The following NTAQ1 variants were observed in gnomAD, a reference collection of about 807,000 sequenced individuals.
The protein encoded by NTAQ1 is N-terminal glutamine amidase 1.
In NTAQ1, 21 loss-of-function variants were observed where a neutral mutation model predicts 28.2. The observed-to-expected ratio is 0.74, with a 90% confidence interval of 0.53 to 1.07. The LOEUF (loss-of-function observed/expected upper bound fraction) is 1.07, where lower values mean the gene tolerates loss of function less well. NTAQ1 is among the 50% of genes least tolerant of loss of function. The pLI, the probability that NTAQ1 is intolerant of heterozygous loss-of-function variation, is 0.00. For missense variants in NTAQ1, 264 were observed against 256.6 expected (o/e 1.03, Z -0.20); for synonymous variants, 105 against 90.0 (o/e 1.17, Z -0.94).
Position 123,441,429 on chromosome 8 carries a change from A to T in NTAQ1, c.*14A>T. ...AAAAACTGCTGAACTTGGTCTCAAG[A>T]TGTGGAACTGTGGAGAAATTCTAGG... On this transcript the variant is annotated 3_prime_UTR_variant, in exon 6 of 6. Transcript: ENST00000287387. 1 of 1,589,334 alleles carries T rather than the reference A, an allele frequency of 6.3e-7. No homozygotes were observed. The highest frequency in any genetic ancestry group is 8.6e-7 in the Non-Finnish European group (1 of 1,164,498).
chr8:123,464,528 A>G (rs773345684), intron 6 of NTAQ1, among the ~76,000 whole-genome samples: 1 of 151,372 alleles, frequency 6.6e-6, no homozygotes, highest in African/African-American at 2.4e-5. Context: ...CTGTGCCTCC[A>G]CTCTCCCTCC....
chr8:123,433,088 A>G (rs1418483828), intron 3 of NTAQ1, among the ~76,000 whole-genome samples: 1 of 152,010 alleles, frequency 6.6e-6, no homozygotes, highest in Non-Finnish European at 1.5e-5. Flanking sequence ...TGACATCCCC[A>G]CTCCTAGCAC....
intron 2 of NTAQ1, among the ~76,000 whole-genome samples, chr8:123,429,152 A>G (rs893662793): frequency 1.3e-5 from 2 of 152,290 alleles, no homozygotes; most frequent in East Asian, 3.9e-4. Context: ...TCTTCATTTT[A>G]TAGATGAAGA....
At chr8:123,428,123 C>T in intron 2 of NTAQ1, 100 bp downstream of exon 2, 1 of 834,956 alleles carries the variant, frequency 1.2e-6, no homozygotes, top group Non-Finnish European at 1.9e-6. Flanking sequence ...GGGTGTAGTA[C>T]TCTTCTGAAG....
downstream of NTAQ1, among the ~76,000 whole-genome samples, chr8:123,446,167 G>A (rs1412736807): frequency 6.6e-6 from 1 of 151,122 alleles, no homozygotes; most frequent in African/African-American, 2.4e-5. Flanking sequence ...AATTTTGTGT[G>A]TGTGTGTGTT....
intron 2 of NTAQ1, among the ~76,000 whole-genome samples, chr8:123,428,434 G>C (rs1300302594): frequency 6.6e-6 from 1 of 152,158 alleles, no homozygotes; most frequent in Admixed American, 6.6e-5. Context: ...CTGGCCTCAA[G>C]TGATCCTCCC....
At chr8:123,422,022 G>A (rs1301164372) in intron 1 of NTAQ1, among the ~76,000 whole-genome samples, 1 of 151,944 alleles carries the variant, frequency 6.6e-6, no homozygotes, top group African/African-American at 2.4e-5. Flanking sequence ...CACCATGTTG[G>A]CCAGGCTGGT....
rs73705923 is a variant in NTAQ1, at chr8:123,454,616, C to T, written c.373-12463C>T. Among the ~76,000 whole-genome samples, 837 of 152,276 alleles carry T rather than the reference C, an allele frequency of 5.5e-3. 12 individuals are homozygous for T. Among genetic ancestry groups the T allele is most frequent in the African/African-American group, 0.019 (804 of 41,552 alleles). On this transcript the variant is annotated intron_variant, in intron 6 of 6. Coordinates refer to the NTAQ1 transcript ENST00000650311. The stretch of plus-strand genomic sequence containing the variant: ...AACGCCTGACCTCAGGTGTAGCAGT[C>T]GGAGATGCACTCACTTCTAGCCTTG...
chr8:123,459,037 C>T (rs1056358794), intron 6 of NTAQ1, among the ~76,000 whole-genome samples: 1 of 151,966 alleles, frequency 6.6e-6, no homozygotes, highest in African/African-American at 2.4e-5. Flanking sequence ...GAGATCGTGC[C>T]ACTGCACTCC....
intron 1 of NTAQ1, among the ~76,000 whole-genome samples, chr8:123,427,352 G>A (rs939901684): frequency 4.1e-5 from 6 of 145,542 alleles, no homozygotes; most frequent in African/African-American, 1.0e-4. Flanking sequence ...TCTCAGGTTC[G>A]AGCAATTCTC....
chr8:123,440,932 C>T (rs1031753094), intron 5 of NTAQ1, among the ~76,000 whole-genome samples: 5 of 152,136 alleles, frequency 3.3e-5, no homozygotes, highest in African/African-American at 1.2e-4. Context: ...ATTTCTAGCC[C>T]TGTGGAAGTT....
intron 3 of NTAQ1, among the ~76,000 whole-genome samples, chr8:123,434,517 C>T (rs555694399): frequency 9.9e-5 from 15 of 152,118 alleles, no homozygotes; most frequent in African/African-American, 3.1e-4. Context: ...CCCAGCTACT[C>T]GGGAGGCTGA....
downstream of NTAQ1, chr8:123,448,132 A>G (rs571418932): frequency 2.0e-5 from 3 of 152,314 alleles, no homozygotes; most frequent in East Asian, 1.9e-4. Context: ...TGATAACTCT[A>G]TGGAGCCGAG....
intron 3 of NTAQ1, among the ~76,000 whole-genome samples, chr8:123,435,857 ACT>A (rs1382843292): frequency 7.5e-6 from 1 of 134,162 alleles, no homozygotes; most frequent in Non-Finnish European, 1.6e-5. Flanking sequence ...ATAGAGCAAG[ACT>A]CTGTCTCAAT....
At chr8:123,425,209 A>G (rs1813972591) in intron 1 of NTAQ1, among the ~76,000 whole-genome samples, 1 of 151,966 alleles carries the variant, frequency 6.6e-6, no homozygotes, top group African/African-American at 2.4e-5. Flanking sequence ...CTCCTGCCTC[A>G]GCCTCCCGAG....
chr8:123,419,759 CCTTCCTTCCTTT>C (rs1273328167), intron 1 of NTAQ1, among the ~76,000 whole-genome samples: 2 of 91,106 alleles, frequency 2.2e-5, no homozygotes, highest in African/African-American at 7.3e-5. Flanking sequence ...TCCCTCCCTT[CCTTCCTTCCTTT>C]CTTCCCTCCC....
In NTAQ1 at chr8:123,462,728, T is replaced by C. The variant is rs1439024708; in HGVS notation, c.373-4351T>C. Among the ~76,000 whole-genome samples, 2 of 152,144 alleles carry C rather than the reference T, an allele frequency of 1.3e-5. 1 individual carries two copies. The highest frequency in any genetic ancestry group is 4.1e-4 in the South Asian group (2 of 4,832). ...AGTGGGATTCATTTGACTGTTTGAC[T>C]CCAGAGCTCATGCATTCATGGGCAT... is the stretch of plus-strand genomic sequence containing the variant. On this transcript the variant is annotated intron_variant, in intron 6 of 6. Coordinates refer to the NTAQ1 transcript ENST00000650311.
At chr8:123,462,469 AC>A (rs1451845262) in intron 6 of NTAQ1, among the ~76,000 whole-genome samples, 1 of 152,212 alleles carries the variant, frequency 6.6e-6, no homozygotes, top group Non-Finnish European at 1.5e-5. Context: ...TTTGAAGTAC[AC>A]AAGGCACTAG....
chr8:123,442,809 C>T (rs1402236270), downstream of NTAQ1, among the ~76,000 whole-genome samples: 9 of 150,450 alleles, frequency 6.0e-5, no homozygotes, highest in African/African-American at 2.2e-4. Context: ...GCTGGGATTA[C>T]AGGTGTGCGC....
Sources: gnomAD v4.1 joint callset for allele counts (sites outside exome capture counted in the v4.1 genomes callset) on GRCh38, gnomAD v4.1.1 for gene constraint, MANE v1.5 for transcripts, NCBI Gene and HGNC (gene_info 2026-07-23, HGNC 2026-07-21) for gene names.